PPL: variants seen among roughly 807,000 people sequenced by gnomAD.
The protein encoded by PPL is 190 kDa paraneoplastic pemphigus antigen.
In PPL, 198 loss-of-function variants were observed where a neutral mutation model predicts 194.4. The ratio of observed to expected loss-of-function variants is 1.02; its 90% CI spans 0.91 to 1.15. PPL has a LOEUF of 1.15. Among genes scored for constraint, PPL ranks in the 50% most tolerant of loss-of-function variants. The pLI is 0.00. For synonymous variants in PPL, 1,220 were observed against 972.4 expected, an observed-to-expected ratio of 1.25 and a Z score of -4.74; for missense variants, 2,885 against 2,294.8, an observed-to-expected ratio of 1.26 and a Z score of -5.25.
intron 1 of PPL, among the ~76,000 whole-genome samples, chr16:4,933,217 C>A (rs1220549597): frequency 6.6e-6 from 1 of 152,010 alleles, no homozygotes; most frequent in Non-Finnish European, 1.5e-5. Context: ...ACCCCAGGTG[C>A]CTCCCAGTAG....
Position 4,885,131 on chromosome 16 carries a change from C to T in PPL, c.3524G>A (p.Arg1175Gln), listed in dbSNP as rs141911206. Residue 1175 changes from arginine (R) to glutamine (Q), a missense_variant, in exon 22 of 22, where the codon CGG becomes CAG. By Grantham distance (43) the Arg-to-Gln change is conservative (BLOSUM62 1). Coordinates refer to ENST00000345988, the MANE Select transcript of PPL (RefSeq NM_002705.5). The surrounding 1 kb of genome is among the most constrained non-coding windows in gnomAD (Gnocchi z 6.3). ...NAKVVVQEKV[R>Q]EIVRPDPKAE... ...CTTGGGGTCTGGCCGCACGATCTCCCGCACCTTCTCCTGCACCACCACTTT... is the reference window on the plus strand; with the variant it reads ...CTTGGGGTCTGGCCGCACGATCTCCTGCACCTTCTCCTGCACCACCACTTT... 7.4e-6 allele frequency: 12 copies of T among 1,613,886 alleles called. No homozygotes were observed. Among genetic ancestry groups the T allele is most frequent in the East Asian group, 6.7e-5 (3 of 44,872 alleles).
chr16:4,936,826 C>A (rs1217795790), intron 1 of PPL, among the ~76,000 whole-genome samples, 158 bp downstream of exon 1: 1 of 152,188 alleles, frequency 6.6e-6, no homozygotes, highest in African/African-American at 2.4e-5. Flanking sequence ...TCAGGGTGGC[C>A]TCGGTCCCGC....
At chr16:4,903,495 G>T (rs957909641) in intron 3 of PPL, among the ~76,000 whole-genome samples, 1 of 152,094 alleles carries the variant, frequency 6.6e-6, no homozygotes, top group Non-Finnish European at 1.5e-5. Flanking sequence ...CGAGGCAGGC[G>T]GATCACCTAA....
At position 4,885,122 on chromosome 16, in the gene PPL, A is replaced by G. The variant is rs765639401; in HGVS notation, c.3533T>C (p.Val1178Ala). The G allele has an allele frequency of 3.7e-6, 6 of 1,613,852 alleles. 1 individual carries two copies. In the South Asian group the frequency reaches 4.4e-5, roughly 12 times the overall value. Residue 1178 changes from valine to alanine, a missense_variant, in exon 22 of 22, where the codon GTG (valine) becomes GCG (alanine). Val to Ala is a moderately conservative substitution (Grantham distance 64, BLOSUM62 0). Coordinates refer to ENST00000345988, the MANE Select transcript of PPL (RefSeq NM_002705.5). This position sits in a 1 kb window ranked among gnomAD's most constrained non-coding sequence, Gnocchi z 6.3. ...ACTTTCCGCCTTGGGGTCTGGCCGCACGATCTCCCGCACCTTCTCCTGCAC... is the reference window on the plus strand; with the variant it reads ...ACTTTCCGCCTTGGGGTCTGGCCGCGCGATCTCCCGCACCTTCTCCTGCAC... ...VVVQEKVREI[V>A]RPDPKAESEV...
chr16:4,883,740 G>A lies in PPL; in HGVS notation c.4915C>T (p.Arg1639Cys), dbSNP rs145724118. The change falls in exon 22 of 22, where the codon CGC becomes TGC. Residue 1639 changes from arginine (R) to cysteine (C), a missense_variant. Transcript: ENST00000345988. This position sits in a 1 kb window ranked among gnomAD's most constrained non-coding sequence, Gnocchi z 4.8. ...CGCTTGACGGCCACGGAGCCCAGGCGCTTCTGCAGCTCGTCGATCTCGAGG... is the reference window on the plus strand; with the variant it reads ...CGCTTGACGGCCACGGAGCCCAGGCACTTCTGCAGCTCGTCGATCTCGAGG... Reference protein sequence around the residue: ...KDLEIDELQKRLGSVAVKREQ... With the variant: ...KDLEIDELQKCLGSVAVKREQ... The A allele has an allele frequency of 7.2e-5, 116 of 1,613,896 alleles. No homozygotes were observed. The highest frequency in any genetic ancestry group is 8.0e-5 in the African/African-American group (6 of 74,936).
chr16:4,884,696 T>G lies in PPL; in HGVS notation c.3959A>C (p.Lys1320Thr). 6.2e-7 allele frequency: 1 copy of G among 1,614,186 alleles called. No homozygotes were observed. The highest frequency in any genetic ancestry group is 1.3e-5 in the African/African-American group (1 of 75,068). Residue 1320 changes from lysine (K) to threonine (T), a missense_variant, in exon 22 of 22, where the codon AAG becomes ACG. Coordinates refer to ENST00000345988, the MANE Select transcript of PPL (RefSeq NM_002705.5). This position sits in a 1 kb window ranked among gnomAD's most constrained non-coding sequence, Gnocchi z 5.7. ...SLRAKLSEEQ[K>T]KQVDLERERA... ...TTCCCTCTCCAGATCCACTTGTTTC[T>G]TCTGCTCCTCTGAGAGCTTTGCCCT...
In PPL at chr16:4,899,205, C is replaced by A. The variant is rs1223009950; in HGVS notation, c.768+18G>T. ...CAGGGCTGCCTCCTCCCTGATGCCC[C>A]AGGCCCCCAGAACCCACCTCATACT... On this transcript the variant is annotated intron_variant, in intron 7 of 21. Coordinates refer to ENST00000345988, the MANE Select transcript of PPL (RefSeq NM_002705.5). 9 of 1,613,362 alleles carry A rather than the reference C, an allele frequency of 5.6e-6. No individual in the cohort carries two copies. Among genetic ancestry groups the A allele is most frequent in the Non-Finnish European group, 7.6e-6 (9 of 1,179,650 alleles).
chr16:4,895,969 CAT>C (rs1449233793), intron 9 of PPL, among the ~76,000 whole-genome samples: 3 of 152,214 alleles, frequency 2.0e-5, no homozygotes, highest in African/African-American at 7.2e-5. Context: ...ACCTCTGTGA[CAT>C]GTTTTCTTGG....
intron 9 of PPL, among the ~76,000 whole-genome samples, chr16:4,896,529 G>A (rs780801576): frequency 6.6e-6 from 1 of 152,126 alleles, no homozygotes; most frequent in Non-Finnish European, 1.5e-5. Context: ...TTCGTTCTAG[G>A]TGTGACACTT....
chr16:4,905,164 G>T (rs976009197), intron 2 of PPL, among the ~76,000 whole-genome samples: 2 of 152,132 alleles, frequency 1.3e-5, no homozygotes, highest in African/African-American at 4.8e-5. Context: ...CCGGCCGCCG[G>T]TCCCTTCCCC....
chr16:4,922,389 T>C (rs2089066853), intron 1 of PPL, among the ~76,000 whole-genome samples: 1 of 152,046 alleles, frequency 6.6e-6, no homozygotes, highest in South Asian at 2.1e-4. Context: ...CAGCTGGGCG[T>C]GGTGGCTCAT....
intron 3 of PPL, 144 bp downstream of exon 3, chr16:4,903,742 T>G: frequency 1.2e-6 from 1 of 868,186 alleles, no homozygotes; most frequent in Non-Finnish European, 1.7e-6. Flanking sequence ...AAAGAAAGGA[T>G]CATGTGAAGC....
rs2088143049 is a variant in PPL at position 4,883,571 on chromosome 16, C to T, written c.5084G>A (p.Trp1695Ter). 1.9e-6 allele frequency: 3 copies of T among 1,614,180 alleles called. No individual in the cohort carries two copies. The highest frequency in any genetic ancestry group is 2.5e-6 in the Non-Finnish European group (3 of 1,180,010). ...FVKLRSQECD[W>*]EEISVKGPNG... Reference sequence around the variant, plus strand: ...GGGACCCTTCACTGAGATCTCCTCCCAGTCGCACTCCTGGCTTCTGAGTTT... The same window carrying T: ...GGGACCCTTCACTGAGATCTCCTCCTAGTCGCACTCCTGGCTTCTGAGTTT... Residue 1695 changes from tryptophan (W) to a stop codon, truncating the protein, a stop_gained, in exon 22 of 22, where the codon TGG becomes TAG. Transcript: ENST00000345988. LOFTEE classifies it high-confidence loss of function. This position sits in a 1 kb window ranked among gnomAD's most constrained non-coding sequence, Gnocchi z 4.8.
At chr16:4,921,266 T>G (rs6500645) in intron 1 of PPL, among the ~76,000 whole-genome samples, 139,505 of 152,196 alleles carry the variant, frequency 0.92, 64,460 homozygotes, top group East Asian at 0.99. Flanking sequence ...TCCAGGGCTG[T>G]GTTTGAGGGT....
intron 1 of PPL, among the ~76,000 whole-genome samples, chr16:4,926,309 C>T (rs946420843): frequency 6.6e-5 from 10 of 152,196 alleles, no homozygotes; most frequent in Middle Eastern, 3.2e-3. Context: ...AATAAATTTT[C>T]GACCCCACCC....
intron 14 of PPL, 97 bp from the exon 15 acceptor site, chr16:4,892,310 A>C (rs957379962): frequency 2.5e-5 from 34 of 1,349,024 alleles, no homozygotes; most frequent in Non-Finnish European, 3.4e-5. Flanking sequence ...CATCAGGCAC[A>C]GTGGAAGCAG....
At position 4,902,708 on chromosome 16, in the gene PPL, G is replaced by T. The variant is rs774081940; in HGVS notation, c.318-182C>A. On this transcript the variant is annotated intron_variant, in intron 3 of 21. Coordinates refer to ENST00000345988, the MANE Select transcript of PPL (RefSeq NM_002705.5). This position sits in a 1 kb window ranked among gnomAD's most constrained non-coding sequence, Gnocchi z 4.0. ...TCCCATGCACTTTTTTTTTTTTTTT[G>T]AGACAGAGTCTTGCTCTGTCACCCA... 9.2e-3 allele frequency among the ~76,000 whole-genome samples: 1,100 copies of T among 119,170 alleles called. 9 individuals carry two copies. The highest frequency in any genetic ancestry group is 0.032 in the African/African-American group (1,022 of 32,430). The allele number at this position is 119,170 out of a possible 152,430, so 78.2% of individuals were successfully genotyped here.
rs1213669503 is a variant in PPL, at chr16:4,894,676, C to T, written c.1243-58G>A. The T allele has an allele frequency of 4.6e-5, 73 of 1,577,746 alleles. No homozygotes were observed. The Middle Eastern group carries it at 6.7e-4, about 14-fold the overall frequency. On this transcript the variant is annotated intron_variant, in intron 11 of 21. Coordinates refer to ENST00000345988, the MANE Select transcript of PPL (RefSeq NM_002705.5). ...GGCAGGGCCTGAGGGCCTGGGAGCC[C>T]GGTTGCCATCTCAGCCCCCGACTCT... is the stretch of plus-strand genomic sequence containing the variant.
rs1428100689 is a variant in PPL, at chr16:4,883,449, C to G, written c.5206G>C (p.Asp1736His). The change falls in exon 22 of 22, where the codon GAC becomes CAC. Residue 1736 changes from aspartate (D) to histidine (H), a missense_variant. By Grantham distance (81) the Asp-to-His change is moderately conservative (BLOSUM62 -1). Coordinates refer to ENST00000345988, the MANE Select transcript of PPL (RefSeq NM_002705.5). The surrounding 1 kb of genome is among the most constrained non-coding windows in gnomAD (Gnocchi z 4.8). ...QSGRLTPAQY[D>H]RYVNKDMSIQ... ...GACATATCCTTGTTGACATAGCGGT[C>G]ATACTGAGCAGGGGTCAGCCTGCCA... 9.9e-6 allele frequency: 16 copies of G among 1,614,166 alleles called. No homozygotes were observed. The South Asian group carries it at 1.8e-4, about 18-fold the overall frequency.
Sources: gnomAD v4.1 joint callset for allele counts (sites outside exome capture counted in the v4.1 genomes callset) on GRCh38, gnomAD v4.1.1 for gene constraint, Gnocchi (gnomAD v3.1) non-coding constraint, MANE v1.5 for transcripts, NCBI Gene and HGNC (gene_info 2026-07-23, HGNC 2026-07-21) for gene names.